GSE1: variants seen among roughly 807,000 people sequenced by gnomAD.
GSE1 encodes the protein Gse1 coiled-coil protein.
GSE1 carries 32 observed loss-of-function variants against 112.6 expected under a neutral mutation model. The ratio of observed to expected loss-of-function variants is 0.28; its 90% CI spans 0.21 to 0.38. The LOEUF is 0.38. Ranked by LOEUF, GSE1 falls within the 10% of genes least tolerant of loss-of-function variation. GSE1 has a pLI of 1.00. For synonymous variants in GSE1, 1,115 were observed against 735.6 expected (o/e 1.52, Z -8.35); for missense variants, 2,348 against 1,699.2 (o/e 1.38, Z -6.71).
At chr16:85,454,573 T>A (rs1386758217) in intron 2 of GSE1, among the ~76,000 whole-genome samples, 1 of 152,204 alleles carries the variant, frequency 6.6e-6, no homozygotes, top group African/African-American at 2.4e-5. Context: ...ACCAGGGGCC[T>A]CAAAACAACA....
At chr16:85,671,295 C>G (rs2053310140) in intron 15 of GSE1, among the ~76,000 whole-genome samples, 197 bp downstream of exon 15, 1 of 151,712 alleles carries the variant, frequency 6.6e-6, no homozygotes, top group Non-Finnish European at 1.5e-5. Context: ...AAAAAATTAG[C>G]CGGGCGTAGT....
At chr16:85,571,750 G>T (rs770445039) in intron 1 of GSE1, among the ~76,000 whole-genome samples, 3 of 152,228 alleles carry the variant, frequency 2.0e-5, no homozygotes. Flanking sequence ...GCAGAGGCGT[G>T]GGGGCAGAGG....
At chr16:85,217,002 G>T (rs984456226) in intron 1 of GSE1, among the ~76,000 whole-genome samples, 1 of 152,234 alleles carries the variant, frequency 6.6e-6, no homozygotes, top group Non-Finnish European at 1.5e-5. Flanking sequence ...AAGGAGCGGG[G>T]CGCTGTGGTT....
chr16:85,453,061 G>A (rs910333311), intron 2 of GSE1, among the ~76,000 whole-genome samples: 15 of 152,232 alleles, frequency 9.9e-5, no homozygotes, highest in African/African-American at 3.6e-4. Context: ...GATTTTGTGT[G>A]ATCTTGGATA....
chr16:85,631,840 C>G (rs561392807), intron 1 of GSE1, among the ~76,000 whole-genome samples: 42 of 152,376 alleles, frequency 2.8e-4, no homozygotes, highest in African/African-American at 1.0e-3. Flanking sequence ...GAAGCTGGGT[C>G]TGAGCCACAG....
chr16:85,393,579 CAG>C (rs1274870713), intron 2 of GSE1, among the ~76,000 whole-genome samples: 1 of 152,240 alleles, frequency 6.6e-6, no homozygotes, highest in Non-Finnish European at 1.5e-5. Context: ...CTTCATTTTG[CAG>C]AGACTACTAC....
At chr16:85,239,701 C>T (rs1447882816) in intron 1 of GSE1, among the ~76,000 whole-genome samples, 6 of 152,214 alleles carry the variant, frequency 3.9e-5, no homozygotes, top group Non-Finnish European at 7.3e-5. Flanking sequence ...ACTCCATACC[C>T]GACCTTGGGG....
chr16:85,377,797 C>T (rs570394570), intron 2 of GSE1, among the ~76,000 whole-genome samples: 18 of 152,330 alleles, frequency 1.2e-4, no homozygotes, highest in South Asian at 6.2e-4. Context: ...AGGCTCCCTG[C>T]GGGTGGCCTT....
upstream of GSE1, chr16:85,554,905 A>G (rs1233588542): frequency 3.0e-6 from 3 of 985,232 alleles, no homozygotes; most frequent in Non-Finnish European, 3.6e-6. Flanking sequence ...CTTCGGAGCG[A>G]AGGGGAGCAC....
intron 2 of GSE1, among the ~76,000 whole-genome samples, chr16:85,413,151 C>G (rs771308752): frequency 3.9e-5 from 6 of 152,200 alleles, no homozygotes; most frequent in Non-Finnish European, 8.8e-5. Context: ...TGTTTCCGCA[C>G]ACCCTGCAAC....
Position 85,381,276 on chromosome 16 carries a change from G to A in GSE1, c.2464+23633G>A, listed in dbSNP as rs373962827. ...TCCAGGTTCATCCACGTTGCGGCCC[G>A]AATCCGAACTTCATCCCTTTTTATG... On this transcript the variant is annotated intron_variant, in intron 2 of 2. Coordinates refer to the GSE1 transcript ENST00000637419. Among the ~76,000 whole-genome samples, 13 of 152,298 alleles carry A rather than the reference G, an allele frequency of 8.5e-5. No homozygotes were observed. In the Middle Eastern group the frequency reaches 0.01, roughly 120 times the overall value.
chr16:85,615,572 G>A (rs2048322244), intron 1 of GSE1, among the ~76,000 whole-genome samples: 2 of 152,200 alleles, frequency 1.3e-5, no homozygotes, highest in Admixed American at 1.3e-4. Flanking sequence ...CCCGCCAGGA[G>A]CCTCCGGTGA....
chr16:85,257,570 G>A (rs77863796), intron 1 of GSE1, among the ~76,000 whole-genome samples: 1 of 152,226 alleles, frequency 6.6e-6, no homozygotes, highest in African/African-American at 2.4e-5. Context: ...ATCACATTTA[G>A]TCAAGCATTT....
intron 1 of GSE1, among the ~76,000 whole-genome samples, chr16:85,220,583 CT>C (rs2075373689): frequency 6.6e-6 from 1 of 152,100 alleles, no homozygotes; most frequent in African/African-American, 2.4e-5. Flanking sequence ...CCCTTTTGAA[CT>C]TCAGCCTCCC....
At chr16:85,411,049 A>C (rs55659628) in intron 2 of GSE1, among the ~76,000 whole-genome samples, 8,200 of 19,348 alleles carry the variant, frequency 0.42, 2,400 homozygotes, top group Middle Eastern at 0.56. Flanking sequence ...CTCTCAGGCC[A>C]CCCGGATAAT....
rs752208509 is a variant in GSE1 at position 85,657,266 on chromosome 16, TCCC to T, written c.1313-7_1313-5del. The T allele has an allele frequency of 6.6e-7, 1 of 1,516,992 alleles. No individual in the cohort carries two copies. Among genetic ancestry groups the T allele is most frequent in the Non-Finnish European group, 8.9e-7 (1 of 1,129,446 alleles). 94.0% of individuals were successfully genotyped at this position (1,516,992 alleles called of 1,614,324 possible). On this transcript the variant is annotated splice_polypyrimidine_tract_variant and splice_region_variant and intron_variant, in intron 7 of 15. Transcript: ENST00000253458. ...GGCTGAGATCCTGCTTGACCGTGTTTCCCCCCACAGAGAAGCTGAAGGATGCCG... is the reference window on the plus strand; with the variant it reads ...GGCTGAGATCCTGCTTGACCGTGTTTCCCACAGAGAAGCTGAAGGATGCCG...
chr16:85,375,946 G>A (rs766247378), intron 2 of GSE1, among the ~76,000 whole-genome samples: 4 of 152,174 alleles, frequency 2.6e-5, no homozygotes, highest in Non-Finnish European at 5.9e-5. Context: ...GACGTGTGAG[G>A]TTTGCCCCAG....
At chr16:85,605,546 G>T (rs534169695) in intron 1 of GSE1, among the ~76,000 whole-genome samples, 1 of 152,178 alleles carries the variant, frequency 6.6e-6, no homozygotes, top group African/African-American at 2.4e-5. Context: ...TCACCAAAGT[G>T]GGGGCAGGGG....
chr16:85,671,463 A>G (rs577158457), intron 15 of GSE1, among the ~76,000 whole-genome samples: 2 of 149,798 alleles, frequency 1.3e-5, no homozygotes, highest in Non-Finnish European at 1.5e-5. Context: ...AAAAAGATCA[A>G]AATTTGGACT....
Sources: allele counts gnomAD v4.1 joint callset (sites outside exome capture counted in the v4.1 genomes callset), GRCh38; gene constraint gnomAD v4.1.1; transcripts MANE v1.5; gene names NCBI Gene and HGNC (gene_info 2026-07-23, HGNC 2026-07-21).